Variants in AHRR observed in about 807,000 individuals in gnomAD.
AHRR encodes the protein ahR repressor.
Under a neutral mutation model 44.0 loss-of-function variants are expected in AHRR, and 28 were observed. The observed-to-expected ratio is 0.64, with a 90% CI of 0.47 to 0.87. The LOEUF (loss-of-function observed/expected upper bound fraction) is 0.87, where lower values mean the gene tolerates loss of function less well. AHRR is among the 40% of genes least tolerant of loss of function. The pLI is 0.00. For missense variants in AHRR, 990 were observed against 953.9 expected (o/e 1.04, Z -0.50); for synonymous variants, 434 against 407.0 (o/e 1.07, Z -0.80).
intron 4 of AHRR, among the ~76,000 whole-genome samples, chr5:381,257 G>C (rs1297011523): frequency 6.6e-6 from 1 of 152,166 alleles, no homozygotes; most frequent in African/African-American, 2.4e-5. Flanking sequence ...CAGCTGTCTA[G>C]GCATCTCTCA....
At chr5:340,598 A>G (rs188137932) in intron 1 of AHRR, among the ~76,000 whole-genome samples, 110 of 144,366 alleles carry the variant, frequency 7.6e-4, no homozygotes, top group East Asian at 1.6e-3. Context: ...TCTCCAATAC[A>G]GTCACATGGA....
rs1735480143 is a variant in AHRR, at chr5:411,909, T to C, written c.352-1435T>C. ...GTGTGGGATGTGAGACTGGGCGAGA[T>C]ATTCCACCTGGTAGCCTGTGCTTGC... On this transcript the variant is annotated intron_variant, in intron 4 of 10. Coordinates refer to ENST00000684583, the MANE Select transcript of AHRR (RefSeq NM_001377236.1). The surrounding 1 kb of genome is among the most constrained non-coding windows in gnomAD (Gnocchi z 4.2). Among the ~76,000 whole-genome samples the C allele has an allele frequency of 6.6e-6, 1 of 152,212 alleles. No homozygotes were observed. Among genetic ancestry groups the C allele is most frequent in the South Asian group, 2.1e-4 (1 of 4,828 alleles).
At chr5:410,231 C>T (rs1444818146) in intron 4 of AHRR, among the ~76,000 whole-genome samples, 1 of 152,228 alleles carries the variant, frequency 6.6e-6, no homozygotes, top group African/African-American at 2.4e-5. Flanking sequence ...GACAGAGTCT[C>T]TGTCACCCAG....
At position 435,244 on chromosome 5, in the gene AHRR, C is replaced by T. The variant is rs1396890409; in HGVS notation, c.*410C>T. The T allele has an allele frequency of 4.7e-6, 1 of 214,454 alleles. No homozygotes were observed. Among genetic ancestry groups the T allele is most frequent in the African/African-American group, 2.3e-5 (1 of 43,340 alleles). The allele number at this position is 214,454 out of a possible 1,614,324, so 13.3% of individuals were successfully genotyped here. ...GGGGATGAAGCGGTCGGGTGATGCT[C>T]CCAAGTCCGCAGTCGGGGATGAAGC... is the stretch of plus-strand genomic sequence containing the variant. On this transcript the variant is annotated 3_prime_UTR_variant, in exon 11 of 11. Transcript: ENST00000684583.
At position 388,318 on chromosome 5, in the gene AHRR, G is replaced by A. The variant is rs960746567; in HGVS notation, c.351+11602G>A. Reference sequence around the variant, plus strand: ...TGCTGTCGTACACAGGGCTCAGTGCGACTGCGCCTGGGGCTGCCCCAAGAC... The same window carrying A: ...TGCTGTCGTACACAGGGCTCAGTGCAACTGCGCCTGGGGCTGCCCCAAGAC... On this transcript the variant is annotated intron_variant, in intron 4 of 10. Coordinates refer to ENST00000684583, the MANE Select transcript of AHRR (RefSeq NM_001377236.1). The surrounding 1 kb of genome is among the most constrained non-coding windows in gnomAD (Gnocchi z 5.2). 2.0e-5 allele frequency among the ~76,000 whole-genome samples: 3 copies of A among 152,210 alleles called. No homozygotes were observed. Among genetic ancestry groups the A allele is most frequent in the East Asian group, 1.9e-4 (1 of 5,192 alleles).
In AHRR at chr5:435,864, G is replaced by C. The variant is rs989345508; in HGVS notation, c.*1030G>C. The C allele has an allele frequency of 1.3e-5, 2 of 152,748 alleles. No individual in the cohort carries two copies. Among genetic ancestry groups the C allele is most frequent in the African/African-American group, 4.8e-5 (2 of 41,440 alleles). The allele number at this position is 152,748 out of a possible 1,614,324, so 9.5% of individuals were successfully genotyped here. On this transcript the variant is annotated 3_prime_UTR_variant, in exon 11 of 11. Coordinates refer to ENST00000684583, the MANE Select transcript of AHRR (RefSeq NM_001377236.1). ...CAGTTGTAAAGGCGATATTTTCTGA[G>C]AGTAGGAAATTTGGATACAAAAGCA...
chr5:427,890 G>A lies in AHRR; in HGVS notation c.792G>A (p.Leu264=). The A allele has an allele frequency of 6.2e-7, 1 of 1,614,142 alleles. No homozygotes were observed. The highest frequency in any genetic ancestry group is 8.5e-7 in the Non-Finnish European group (1 of 1,180,036). ...APSGAMLPPR[L]SLFCIAAPVL... ...CAGGAGCCATGCTCCCGCCGCGGCT[G>A]TCGCTGTTCTGCATTGCGGCACCCG... is the stretch of plus-strand genomic sequence containing the variant. The change falls in exon 8 of 11, where the codon CTG becomes CTA. Residue 264 remains leucine, a synonymous_variant. Coordinates refer to ENST00000684583, the MANE Select transcript of AHRR (RefSeq NM_001377236.1).
intron 7 of AHRR, among the ~76,000 whole-genome samples, chr5:424,909 C>T (rs1288129340): frequency 3.3e-5 from 5 of 152,232 alleles, no homozygotes; most frequent in Non-Finnish European, 5.9e-5. Flanking sequence ...GCCCTGCCCA[C>T]CTTGCAGACC....
chr5:344,226 C>A (rs1560883943), intron 2 of AHRR, among the ~76,000 whole-genome samples: 1 of 150,748 alleles, frequency 6.6e-6, no homozygotes, highest in Non-Finnish European at 1.5e-5. Flanking sequence ...CCGTGAGGCG[C>A]TGAGGCCAAG....
rs1737101085 is a variant in AHRR at position 436,799 on chromosome 5, A to G, written c.*1965A>G. The G allele has an allele frequency of 6.6e-6, 1 of 152,378 alleles. No individual in the cohort carries two copies. The highest frequency in any genetic ancestry group is 1.5e-5 in the Non-Finnish European group (1 of 68,082). 9.4% of individuals were successfully genotyped at this position (152,378 alleles called of 1,614,324 possible). On this transcript the variant is annotated 3_prime_UTR_variant, in exon 11 of 11. Coordinates refer to ENST00000684583, the MANE Select transcript of AHRR (RefSeq NM_001377236.1). ...GGGGCCAGCCATGGGGTGACCAGCC[A>G]CCTGAGGGTCAGTCACCTGTGGAGA...
In AHRR at chr5:395,748, C is replaced by T. The variant is rs886567257; in HGVS notation, c.352-17596C>T. Among the ~76,000 whole-genome samples, 1 of 152,248 alleles carries T rather than the reference C, an allele frequency of 6.6e-6. No individual in the cohort carries two copies. The highest frequency in any genetic ancestry group is 6.5e-5 in the Admixed American group (1 of 15,286). On this transcript the variant is annotated intron_variant, in intron 4 of 10. Transcript: ENST00000684583. The surrounding 1 kb of genome is among the most constrained non-coding windows in gnomAD (Gnocchi z 5.3). Reference sequence around the variant, plus strand: ...AACAAGTGGGGAGACACTCCTCCGCCACAGGCTGCTGTCCTAAAGAAAGGC... The same window carrying T: ...AACAAGTGGGGAGACACTCCTCCGCTACAGGCTGCTGTCCTAAAGAAAGGC...
At chr5:369,603 T>C (rs1340238850) in intron 3 of AHRR, among the ~76,000 whole-genome samples, 4 of 152,208 alleles carry the variant, frequency 2.6e-5, no homozygotes, top group Non-Finnish European at 1.5e-5. Context: ...TGATGCCTCC[T>C]AGGCCACTGG....
intron 4 of AHRR, among the ~76,000 whole-genome samples, chr5:391,466 G>A (rs1275998758): frequency 7.6e-5 from 8 of 104,898 alleles, no homozygotes; most frequent in African/African-American, 1.2e-4. Context: ...GGGCCAGAGC[G>A]TGCACGGGGG....
chr5:434,649 C>G lies in AHRR; in HGVS notation c.1909C>G (p.Arg637Gly). The G allele has an allele frequency of 4.5e-6, 7 of 1,563,782 alleles. No homozygotes were observed. Among genetic ancestry groups the G allele is most frequent in the Non-Finnish European group, 6.1e-6 (7 of 1,154,160 alleles). Residue 637 changes from arginine to glycine, a missense_variant, in exon 11 of 11, where the codon CGG (arginine) becomes GGG (glycine). Physicochemically the swap from Arg to Gly is moderately radical, Grantham distance 125. Transcript: ENST00000684583. ...QSEPPHQLCARGRGEQSCTCR... is the reference protein window; with the variant it reads ...QSEPPHQLCAGGRGEQSCTCR... ...GGAGCCTCCCCACCAGCTCTGTGCA[C>G]GGGGCCGAGGTGAACAGTCCTGCAC...
At chr5:372,435 G>A (rs1743610699) in intron 3 of AHRR, among the ~76,000 whole-genome samples, 1 of 152,156 alleles carries the variant, frequency 6.6e-6, no homozygotes, top group African/African-American at 2.4e-5. Flanking sequence ...AAGGACAAAG[G>A]GACGTCCTCT....
intron 5 of AHRR, among the ~76,000 whole-genome samples, chr5:413,681 C>T (rs973238979): frequency 3.9e-5 from 6 of 152,158 alleles, no homozygotes; most frequent in Admixed American, 6.5e-5. Context: ...CCGTGGCGTG[C>T]GGACGGCAGC....
intron 4 of AHRR, among the ~76,000 whole-genome samples, 186 bp from the exon 5 acceptor site, chr5:413,158 A>G (rs1735539850): frequency 6.6e-6 from 1 of 152,182 alleles, no homozygotes; most frequent in Non-Finnish European, 1.5e-5. Context: ...CTGCCTTCTC[A>G]TGTTGCCTGT....
intron 1 of AHRR, among the ~76,000 whole-genome samples, chr5:323,862 A>T (rs568831628): frequency 2.6e-5 from 4 of 152,180 alleles, no homozygotes; most frequent in Admixed American, 2.6e-4. Context: ...TGCGGAGGAG[A>T]GTCGGCTCAC....
chr5:425,203 CCACCCACTGG>C (rs1270210746), intron 7 of AHRR, among the ~76,000 whole-genome samples: 2 of 152,374 alleles, frequency 1.3e-5, no homozygotes, highest in East Asian at 3.9e-4. Context: ...TGTGTCTTTC[CCACCCACTGG>C]GTGCCTGGTG....
Sources: allele counts gnomAD v4.1 joint callset (sites outside exome capture counted in the v4.1 genomes callset), GRCh38; gene constraint gnomAD v4.1.1; non-coding constraint Gnocchi (gnomAD v3.1); transcripts MANE v1.5; gene names NCBI Gene and HGNC (gene_info 2026-07-23, HGNC 2026-07-21).